The following LRP1B variants were observed in gnomAD, a reference collection of about 807,000 sequenced individuals.
LRP1B encodes the protein LDL receptor related protein 1B.
Under a neutral mutation model 556.6 loss-of-function variants are expected in LRP1B, and 217 were observed. The observed-to-expected ratio is 0.39, with a 90% CI of 0.35 to 0.44. The LOEUF is 0.44. Among genes scored for constraint, LRP1B ranks in the 20% least tolerant of loss-of-function variants. The pLI, the probability that LRP1B is intolerant of heterozygous loss-of-function variation, is 1.00. For synonymous variants in LRP1B, 2,047 were observed against 1,865.8 expected, an observed-to-expected ratio of 1.10 and a Z score of -2.50; for missense variants, 5,053 against 5,620.8, an observed-to-expected ratio of 0.90 and a Z score of 3.23.
At chr2:140,266,554 A>G (rs573587685) in intron 86 of LRP1B, among the ~76,000 whole-genome samples, 1 of 151,952 alleles carries the variant, frequency 6.6e-6, no homozygotes, top group Non-Finnish European at 1.5e-5. Flanking sequence ...ACTGTCCCCA[A>G]TATATCTCTT....
intron 3 of LRP1B, among the ~76,000 whole-genome samples, chr2:141,433,129 T>C (rs915129795): frequency 2.0e-5 from 3 of 152,148 alleles, no homozygotes; most frequent in African/African-American, 7.2e-5. Context: ...TTACTTGTGA[T>C]ATCTTCCTGA....
intron 1 of LRP1B, among the ~76,000 whole-genome samples, chr2:141,897,801 A>C (rs1699498494): frequency 6.6e-6 from 1 of 152,184 alleles, no homozygotes; most frequent in East Asian, 1.9e-4. Flanking sequence ...TATTCAAAAC[A>C]AACCTGCATA....
rs775981750 is a variant in LRP1B, at chr2:140,923,011, G to A, written c.3273C>T (p.Thr1091=). Residue 1091 remains threonine, a synonymous_variant, in exon 21 of 91, where the codon ACC becomes ACT. Transcript: ENST00000389484. ...TGGTTTTGTGGTCACACAATCGTATGGTACCATTGCAACCTTTTTCATCAC... is the reference window on the plus strand; with the variant it reads ...TGGTTTTGTGGTCACACAATCGTATAGTACCATTGCAACCTTTTTCATCAC... The part of the protein sequence containing the change: ...DGSDEKGCNG[T]IRLCDHKTKF... 1.9e-6 allele frequency: 3 copies of A among 1,612,856 alleles called. No individual in the cohort carries two copies. Among genetic ancestry groups the A allele is most frequent in the Admixed American group, 1.7e-5 (1 of 59,864 alleles).
intron 3 of LRP1B, among the ~76,000 whole-genome samples, chr2:141,467,801 TTTTGTTTGTTTG>T (rs71338142): frequency 0.48 from 57,395 of 119,734 alleles, 14,324 homozygotes; most frequent in Non-Finnish European, 0.51. Flanking sequence ...GCACACTGCT[TTTTGTTTGTTTG>T]TTTGTTTGTT....
intron 66 of LRP1B, among the ~76,000 whole-genome samples, chr2:140,411,985 C>T (rs1434864118): frequency 6.6e-6 from 1 of 152,092 alleles, no homozygotes. Context: ...GGCTTTTGGT[C>T]ATCCTTAATT....
At chr2:141,123,174 T>C (rs1319943228) in intron 7 of LRP1B, among the ~76,000 whole-genome samples, 1 of 150,892 alleles carries the variant, frequency 6.6e-6, no homozygotes, top group East Asian at 2.0e-4. Context: ...CACACCAACA[T>C]GGCATACGTA....
At chr2:141,848,549 A>G (rs569483544) in intron 1 of LRP1B, among the ~76,000 whole-genome samples, 1 of 151,742 alleles carries the variant, frequency 6.6e-6, no homozygotes, top group African/African-American at 2.4e-5. Flanking sequence ...AGTGCAGCCA[A>G]AACTATACAT....
At chr2:141,151,181 A>AGATCTCATTGTAGTAATTTAG (rs1212904727) in intron 7 of LRP1B, among the ~76,000 whole-genome samples, 4 of 152,164 alleles carry the variant, frequency 2.6e-5, no homozygotes, top group Admixed American at 2.0e-4. Context: ...GAGGACCCGA[A>AGATCTCATTGTAGTAATTTAG]GATCTCATTG....
At chr2:140,847,116 C>T (rs780486265) in intron 29 of LRP1B, among the ~76,000 whole-genome samples, 3 of 152,010 alleles carry the variant, frequency 2.0e-5, no homozygotes, top group Non-Finnish European at 4.4e-5. Context: ...CTGTGTTTTC[C>T]CCAGCCTAGT....
intron 3 of LRP1B, among the ~76,000 whole-genome samples, chr2:141,295,943 T>TA (rs1686170369): frequency 1.3e-5 from 2 of 152,206 alleles, no homozygotes; most frequent in African/African-American, 4.8e-5. Flanking sequence ...TAGTCTCGGT[T>TA]AATTTCCGCT....
intron 35 of LRP1B, among the ~76,000 whole-genome samples, chr2:140,749,775 G>T (rs1559095442): frequency 6.6e-6 from 1 of 152,028 alleles, no homozygotes; most frequent in South Asian, 2.1e-4. Context: ...ATGATAACAA[G>T]TACAGTTAAT....
chr2:141,206,592 A>AAAAT (rs956435929), intron 6 of LRP1B, among the ~76,000 whole-genome samples: 1 of 152,004 alleles, frequency 6.6e-6, no homozygotes, highest in African/African-American at 2.4e-5. Flanking sequence ...GTCTCAAAAA[A>AAAAT]AAAATAAAGA....
intron 1 of LRP1B, among the ~76,000 whole-genome samples, chr2:141,963,416 C>T (rs113007224): frequency 2.7e-4 from 41 of 152,018 alleles, no homozygotes; most frequent in African/African-American, 9.2e-4. Flanking sequence ...GGCTTCATCC[C>T]TGGGATGCAA....
In LRP1B at chr2:141,386,258, C is replaced by T. The variant is rs142972303; in HGVS notation, c.343+94138G>A. On this transcript the variant is annotated intron_variant, in intron 3 of 90. Transcript: ENST00000389484. ...ATACTTTAAAATCCCCCCCAAAAATCCAAAATCCAAAACACTTATGGTTTC... is the reference window on the plus strand; with the variant it reads ...ATACTTTAAAATCCCCCCCAAAAATTCAAAATCCAAAACACTTATGGTTTC... Among the ~76,000 whole-genome samples, 385 of 152,172 alleles carry T rather than the reference C, an allele frequency of 2.5e-3. 1 individual carries two copies. The highest frequency in any genetic ancestry group is 8.9e-3 in the African/African-American group (368 of 41,536).
intron 7 of LRP1B, among the ~76,000 whole-genome samples, chr2:141,087,802 T>C (rs79208924): frequency 0.018 from 2,689 of 152,288 alleles, 73 homozygotes; most frequent in African/African-American, 0.061. Flanking sequence ...ATGCAGAGAA[T>C]GACTGACCAT....
intron 3 of LRP1B, among the ~76,000 whole-genome samples, chr2:141,418,432 AT>A (rs373970330): frequency 2.0e-3 from 287 of 140,730 alleles, no homozygotes; most frequent in Middle Eastern, 3.7e-3. Context: ...AGAGCACAAT[AT>A]TTTTTTTTTT....
At chr2:141,352,301 T>C (rs1286228746) in intron 3 of LRP1B, among the ~76,000 whole-genome samples, 1 of 151,912 alleles carries the variant, frequency 6.6e-6, no homozygotes, top group Non-Finnish European at 1.5e-5. Context: ...GTTCTATAGG[T>C]AGTCAATAAA....
chr2:140,248,472 A>G (rs574355629), intron 86 of LRP1B, among the ~76,000 whole-genome samples: 5 of 151,756 alleles, frequency 3.3e-5, no homozygotes, highest in African/African-American at 1.2e-4. Context: ...CTTTTGTTAC[A>G]TCATAAAAAG....
chr2:140,901,643 A>G (rs2105220083), intron 23 of LRP1B, among the ~76,000 whole-genome samples: 1 of 152,312 alleles, frequency 6.6e-6, no homozygotes, highest in East Asian at 1.9e-4. Context: ...CTGTTGTGCT[A>G]GATTAGAAAA....
Sources: gnomAD v4.1 joint callset for allele counts (sites outside exome capture counted in the v4.1 genomes callset) on GRCh38, gnomAD v4.1.1 for gene constraint, MANE v1.5 for transcripts, NCBI Gene and HGNC (gene_info 2026-07-23, HGNC 2026-07-21) for gene names.